SLC45A4: variants seen among roughly 807,000 people sequenced by gnomAD.
The protein encoded by SLC45A4 is solute carrier family 45 member 4, also known as polyamine-transporter SLC45A4.
A neutral mutation model predicts 63.7 loss-of-function variants in SLC45A4; 32 were observed. The ratio of observed to expected loss-of-function variants is 0.50; its 90% confidence interval spans 0.38 to 0.67. SLC45A4 has a LOEUF of 0.67. SLC45A4 is among the 30% of genes least tolerant of loss of function. SLC45A4 has a pLI of 0.00. For missense variants in SLC45A4, 1,027 were observed against 1,157.7 expected (o/e 0.89, Z 1.64); for synonymous variants, 535 against 510.0 (o/e 1.05, Z -0.66).
At position 141,211,514 on chromosome 8, in the gene SLC45A4, G is replaced by C; in HGVS notation, c.*58C>G. On this transcript the variant is annotated 3_prime_UTR_variant, in exon 9 of 9. Coordinates refer to ENST00000517878, the MANE Select transcript of SLC45A4 (RefSeq NM_001286646.2). ...GGTGTGCGGTCGCTGCCCAAGGACA[G>C]GGCTGCCCTGGGCACAATGTGTCCA... The C allele has an allele frequency of 6.2e-7, 1 of 1,612,258 alleles. No homozygotes were observed. Among genetic ancestry groups the C allele is most frequent in the South Asian group, 1.1e-5 (1 of 90,828 alleles).
At chr8:141,287,350 GCT>G (rs1452569615) in intron 1 of SLC45A4, among the ~76,000 whole-genome samples, 2 of 152,218 alleles carry the variant, frequency 1.3e-5, no homozygotes, top group Non-Finnish European at 2.9e-5. Flanking sequence ...CTGCTCTGAT[GCT>G]CTGATAGGTG....
chr8:141,301,030 A>G (rs1830727626), intron 1 of SLC45A4, among the ~76,000 whole-genome samples: 1 of 152,128 alleles, frequency 6.6e-6, no homozygotes, highest in South Asian at 2.1e-4. Flanking sequence ...AGAGAGCCGC[A>G]AGGTCCCCAC....
At chr8:141,240,881 T>C (rs1392265456) in intron 2 of SLC45A4, among the ~76,000 whole-genome samples, 3 of 152,226 alleles carry the variant, frequency 2.0e-5, no homozygotes, top group Non-Finnish European at 4.4e-5. Context: ...TGCAGGACGC[T>C]TCCCAGACAA....
chr8:141,281,870 G>A (rs1346930585), intron 1 of SLC45A4, among the ~76,000 whole-genome samples: 1 of 152,026 alleles, frequency 6.6e-6, no homozygotes. Context: ...TAAGTGTTTC[G>A]CACTGGTTAT....
At chr8:141,273,299 G>A (rs1297651232) in intron 1 of SLC45A4, among the ~76,000 whole-genome samples, 1 of 152,182 alleles carries the variant, frequency 6.6e-6, no homozygotes, top group Non-Finnish European at 1.5e-5. Flanking sequence ...GCACTGACCT[G>A]GTGTGTGTGC....
At chr8:141,271,264 G>A (rs1165511415) in intron 1 of SLC45A4, among the ~76,000 whole-genome samples, 1 of 152,190 alleles carries the variant, frequency 6.6e-6, no homozygotes, top group East Asian at 1.9e-4. Flanking sequence ...TAGGATGCTG[G>A]TGGCAAGGCC....
chr8:141,279,351 G>C (rs1170004182), intron 1 of SLC45A4, among the ~76,000 whole-genome samples: 1 of 152,258 alleles, frequency 6.6e-6, no homozygotes, highest in Non-Finnish European at 1.5e-5. Context: ...CCGCAGGACA[G>C]ACTCATAGCT....
chr8:141,217,587 A>G (rs909267224), intron 5 of SLC45A4, among the ~76,000 whole-genome samples: 10 of 152,164 alleles, frequency 6.6e-5, no homozygotes, highest in African/African-American at 2.4e-4. Context: ...GCGTGTGCTG[A>G]GGGCACCTTG....
At chr8:141,290,055 T>G (rs1830289209) in intron 1 of SLC45A4, among the ~76,000 whole-genome samples, 1 of 139,442 alleles carries the variant, frequency 7.2e-6, no homozygotes, top group African/African-American at 2.5e-5. Context: ...AAAAACATAT[T>G]ATGTTACATT....
Position 141,217,116 on chromosome 8 carries a change from T to C in SLC45A4, c.1703A>G (p.Tyr568Cys). ...VKMGCWGLVI[Y>C]AATGAICSAL... ...TGAACAAATAGCACCAGTGGCGGCA[T>C]AAATGACCAGGCCCCAGCAGCCCAT... is the stretch of plus-strand genomic sequence containing the variant. The change falls in exon 6 of 9, where the codon TAT (tyrosine) becomes TGT (cysteine). Residue 568 changes from tyrosine (Y) to cysteine (C), a missense_variant. Tyr to Cys is a radical substitution (Grantham distance 194). Transcript: ENST00000517878. The C allele has an allele frequency of 6.2e-7, 1 of 1,613,974 alleles. No homozygotes were observed. The highest frequency in any genetic ancestry group is 8.5e-7 in the Non-Finnish European group (1 of 1,179,988).
chr8:141,221,655 G>A lies in SLC45A4; in HGVS notation c.352C>T (p.Arg118Cys), dbSNP rs769440803. 10 of 1,613,952 alleles carry A rather than the reference G, an allele frequency of 6.2e-6. No individual in the cohort carries two copies. The highest frequency in any genetic ancestry group is 1.1e-5 in the South Asian group (1 of 91,086). ...ASDRCTLSWGRRRPFILALCV... is the reference protein window; with the variant it reads ...ASDRCTLSWGCRRPFILALCV... Reference sequence around the variant, plus strand: ...AGGGCGAGGATGAAGGGCCGCCGGCGGCCCCAGCTCAGGGTGCACCGGTCA... The same window carrying A: ...AGGGCGAGGATGAAGGGCCGCCGGCAGCCCCAGCTCAGGGTGCACCGGTCA... The change falls in exon 3 of 9, where the codon CGC becomes TGC. Residue 118 changes from arginine to cysteine, a missense_variant. By Grantham distance (180) the Arg-to-Cys change is radical (BLOSUM62 -3). Coordinates refer to ENST00000517878, the MANE Select transcript of SLC45A4 (RefSeq NM_001286646.2).
chr8:141,241,268 A>G (rs12543658), intron 2 of SLC45A4, among the ~76,000 whole-genome samples: 48,479 of 152,232 alleles, frequency 0.32, 8,846 homozygotes, highest in Non-Finnish European at 0.42. Context: ...CAGACGGCTC[A>G]CCGGCAACGT....
chr8:141,218,082 A>G lies in SLC45A4; in HGVS notation c.1558T>C (p.Phe520Leu). Residue 520 changes from phenylalanine (F) to leucine (L), a missense_variant, in exon 5 of 9, where the codon TTC (phenylalanine) becomes CTC (leucine). Phe to Leu is a conservative substitution (Grantham distance 22, BLOSUM62 0). Transcript: ENST00000517878. ...RLCLCHLLTWFSVIAEAVFYT... is the reference protein window; with the variant it reads ...RLCLCHLLTWLSVIAEAVFYT... ...AACACGGCCTCGGCGATGACAGAGA[A>G]CCAGGTGAGGAGGTGGCAGAGGCAC... 6.2e-7 allele frequency: 1 copy of G among 1,612,656 alleles called. No individual in the cohort carries two copies. Among genetic ancestry groups the G allele is most frequent in the Non-Finnish European group, 8.5e-7 (1 of 1,179,870 alleles).
Position 141,268,970 on chromosome 8 carries a change from G to C in SLC45A4, c.-400-14341C>G, listed in dbSNP as rs570024808. Among the ~76,000 whole-genome samples, 3 of 152,304 alleles carry C rather than the reference G, an allele frequency of 2.0e-5. No individual in the cohort carries two copies. The East Asian group carries it at 5.8e-4, about 29-fold the overall frequency. ...TTTCAACGAGGCATGTGACATCCTG[G>C]CATCCTCCAAACACTCAGCGCCTCA... On this transcript the variant is annotated intron_variant, in intron 1 of 8. Transcript: ENST00000517878.
intron 1 of SLC45A4, among the ~76,000 whole-genome samples, chr8:141,275,263 C>T (rs1170832488): frequency 1.3e-5 from 2 of 152,186 alleles, no homozygotes; most frequent in Non-Finnish European, 2.9e-5. Context: ...GGATTATGGA[C>T]AGCAGCCACG....
intron 2 of SLC45A4, among the ~76,000 whole-genome samples, chr8:141,251,583 G>A (rs1371968136): frequency 2.6e-5 from 4 of 151,976 alleles, no homozygotes; most frequent in Admixed American, 6.6e-5. Context: ...ACAAGAGTGC[G>A]AGCTGCGCCC....
At chr8:141,242,665 G>A (rs879361353) in intron 2 of SLC45A4, among the ~76,000 whole-genome samples, 1 of 152,152 alleles carries the variant, frequency 6.6e-6, no homozygotes, top group Non-Finnish European at 1.5e-5. Context: ...TGGACAAGTC[G>A]CTGAGTCAAA....
At position 141,229,905 on chromosome 8, in the gene SLC45A4, G is replaced by A. The variant is rs544938478; in HGVS notation, c.242-8140C>T. Among the ~76,000 whole-genome samples the A allele has an allele frequency of 8.5e-5, 13 of 152,320 alleles. No individual in the cohort carries two copies. The highest frequency in any genetic ancestry group is 3.1e-4 in the African/African-American group (13 of 41,558). On this transcript the variant is annotated intron_variant, in intron 2 of 8. Transcript: ENST00000517878. This position sits in a 1 kb window ranked among gnomAD's most constrained non-coding sequence, Gnocchi z 5.0. ...CGCTGGGAAAGGTGGGCATTATGGA[G>A]ATTAAAGGAGAACATGGTGCGCACA...
At chr8:141,275,316 C>T (rs1447658598) in intron 1 of SLC45A4, among the ~76,000 whole-genome samples, 1 of 152,190 alleles carries the variant, frequency 6.6e-6, no homozygotes, top group Non-Finnish European at 1.5e-5. Context: ...TTGGGACAGT[C>T]CCGAAGTCAA....
Sources: allele counts gnomAD v4.1 joint callset (sites outside exome capture counted in the v4.1 genomes callset), GRCh38; gene constraint gnomAD v4.1.1; non-coding constraint Gnocchi (gnomAD v3.1); transcripts MANE v1.5; gene names NCBI Gene and HGNC (gene_info 2026-07-23, HGNC 2026-07-21).